TENT4B: variants seen among roughly 807,000 people sequenced by gnomAD.
TENT4B encodes the protein terminal nucleotidyltransferase 4B.
Under a neutral mutation model 75.0 loss-of-function variants are expected in TENT4B, and 10 were observed. The observed-to-expected ratio is 0.13, with a 90% CI of 0.08 to 0.23. The LOEUF (loss-of-function observed/expected upper bound fraction) is 0.23. Ranked by LOEUF, TENT4B falls within the 10% of genes least tolerant of loss-of-function variation. The pLI is 1.00. For synonymous variants in TENT4B, 350 were observed against 357.7 expected (o/e 0.98, Z 0.24); for missense variants, 579 against 893.8 (o/e 0.65, Z 4.49).
intron 2 of TENT4B, among the ~76,000 whole-genome samples, chr16:50,212,236 T>C (rs533288969): frequency 3.7e-4 from 56 of 152,160 alleles, no homozygotes; most frequent in Non-Finnish European, 5.4e-4. Flanking sequence ...TTTGTATTTT[T>C]TTGTAGAGAC....
chr16:50,234,333 C>G lies in TENT4B; in HGVS notation c.*5005C>G. The G allele has an allele frequency of 1.0e-6, 1 of 972,824 alleles. No homozygotes were observed. Among genetic ancestry groups the G allele is most frequent in the Non-Finnish European group, 1.2e-6 (1 of 825,228 alleles). 60.3% of individuals were successfully genotyped at this position (972,824 alleles called of 1,614,324 possible). On this transcript the variant is annotated 3_prime_UTR_variant, in exon 12 of 12. Transcript: ENST00000561678. ...ATTGGGTAGGGGAGGGAAAGGAGGA[C>G]TTGGAAAAGCATTCTCCAAAGCCAG...
At chr16:50,214,171 TAAC>T (rs778960104) in intron 2 of TENT4B, 47 bp from the exon 3 acceptor site, 13 of 1,390,826 alleles carry the variant, frequency 9.3e-6, no homozygotes, top group South Asian at 6.1e-5. Flanking sequence ...CTCAATATGA[TAAC>T]AACTTCTGAT....
intron 1 of TENT4B, among the ~76,000 whole-genome samples, chr16:50,176,805 C>A (rs1347361674): frequency 2.0e-5 from 3 of 151,904 alleles, no homozygotes; most frequent in Non-Finnish European, 4.4e-5. Flanking sequence ...CTGTGCCTGG[C>A]CTATAATTCT....
intron 1 of TENT4B, among the ~76,000 whole-genome samples, chr16:50,169,895 T>C (rs1040985037): frequency 2.0e-5 from 3 of 152,214 alleles, no homozygotes; most frequent in African/African-American, 7.2e-5. Context: ...CCTTTGCTTT[T>C]AGCTGTTGGT....
Position 50,234,828 on chromosome 16 carries a change from T to C in TENT4B, c.*5500T>C. The C allele has an allele frequency of 1.0e-6, 1 of 985,662 alleles. No individual in the cohort carries two copies. Among genetic ancestry groups the C allele is most frequent in the African/African-American group, 1.7e-5 (1 of 57,356 alleles). The allele number at this position is 985,662 out of a possible 1,614,324, so 61.1% of individuals were successfully genotyped here. ...TGTGAAGGACTGTTGAGTTAAACATTTTTAGTGGAATATACATAGATAACG... is the reference window on the plus strand; with the variant it reads ...TGTGAAGGACTGTTGAGTTAAACATCTTTAGTGGAATATACATAGATAACG... On this transcript the variant is annotated 3_prime_UTR_variant, in exon 12 of 12. Transcript: ENST00000561678.
chr16:50,160,424 C>G (rs2037982371), intron 1 of TENT4B, among the ~76,000 whole-genome samples: 1 of 152,070 alleles, frequency 6.6e-6, no homozygotes, highest in Non-Finnish European at 1.5e-5. Context: ...AAAAGGCTTA[C>G]TACATTACAG....
chr16:50,153,875 G>A lies in TENT4B; in HGVS notation c.254G>A (p.Arg85His). The A allele has an allele frequency of 1.3e-6, 2 of 1,506,452 alleles. No individual in the cohort carries two copies. The highest frequency in any genetic ancestry group is 1.2e-5 in the South Asian group (1 of 80,684). 93.3% of individuals were successfully genotyped at this position (1,506,452 alleles called of 1,614,324 possible). The change falls in exon 1 of 12, where the codon CGC becomes CAC. Residue 85 changes from arginine (R) to histidine (H), a missense_variant. Around this residue, in one of 7 missense-constraint regions of TENT4B, gnomAD observed 253 missense variants for 270.1 expected, o/e 0.94. Transcript: ENST00000561678. ...GCCCCGGCCCCGGCCGGCATGTATC[G>A]CTCCGGGGAGCGCCTGCTGGGCAGC... Reference protein sequence around the residue: ...APAPAPAGMYRSGERLLGSHA... With the variant: ...APAPAPAGMYHSGERLLGSHA...
chr16:50,230,943 T>G lies in TENT4B; in HGVS notation c.*1615T>G. 2.0e-6 allele frequency: 2 copies of G among 979,446 alleles called. No individual in the cohort carries two copies. Among genetic ancestry groups the G allele is most frequent in the Non-Finnish European group, 2.4e-6 (2 of 824,102 alleles). The allele number at this position is 979,446 out of a possible 1,614,324, so 60.7% of individuals were successfully genotyped here. A position where few individuals can be genotyped will look rare whatever the true frequency, so the allele number is the denominator to read the frequency against. On this transcript the variant is annotated 3_prime_UTR_variant, in exon 12 of 12. Coordinates refer to ENST00000561678, the MANE Select transcript of TENT4B (RefSeq NM_001365324.3). ...TATATATATACATATAAAGTACTATTGGCTTTTAGGAGTTTCTTTTATATA... is the reference window on the plus strand; with the variant it reads ...TATATATATACATATAAAGTACTATGGGCTTTTAGGAGTTTCTTTTATATA...
chr16:50,182,891 C>CTTTTTTTCTTT (rs2038444075), intron 1 of TENT4B, among the ~76,000 whole-genome samples: 1 of 36,458 alleles, frequency 2.7e-5, no homozygotes, highest in Admixed American at 5.7e-4. Flanking sequence ...TTTATTTTAC[C>CTTTTTTTCTTT]TTTTTTTTTT....
intron 5 of TENT4B, among the ~76,000 whole-genome samples, chr16:50,220,147 C>T (rs764875092): frequency 5.9e-5 from 9 of 152,008 alleles, no homozygotes; most frequent in South Asian, 2.1e-4. Context: ...CACCACCACG[C>T]TCAGCTAATT....
intron 2 of TENT4B, among the ~76,000 whole-genome samples, chr16:50,212,184 G>T (rs2031315654): frequency 6.6e-6 from 1 of 152,110 alleles, no homozygotes; most frequent in East Asian, 1.9e-4. Flanking sequence ...AGCATCCCGA[G>T]TAGCTGGGAC....
At chr16:50,209,427 T>C (rs1596727527) in intron 1 of TENT4B, among the ~76,000 whole-genome samples, 2 of 152,300 alleles carry the variant, frequency 1.3e-5, no homozygotes, top group East Asian at 1.9e-4. Flanking sequence ...TAATCAAACC[T>C]GGGAAACTCA....
At chr16:50,205,716 G>A (rs973387628) in intron 1 of TENT4B, among the ~76,000 whole-genome samples, 4 of 150,878 alleles carry the variant, frequency 2.7e-5, no homozygotes, top group Admixed American at 6.6e-5. Flanking sequence ...TCAGCCTCCC[G>A]AGTAGCTGGA....
intron 1 of TENT4B, among the ~76,000 whole-genome samples, chr16:50,197,403 C>G (rs1400134961): frequency 2.0e-5 from 3 of 152,182 alleles, no homozygotes; most frequent in Admixed American, 2.0e-4. Context: ...ATTTTCCTGC[C>G]TCAGCCTCCT....
Position 50,154,388 on chromosome 16 carries a change from G to A in TENT4B, c.638+129G>A, listed in dbSNP as rs1597211252. The stretch of plus-strand genomic sequence containing the variant: ...CGGCCTGCCTTCGCTGCTGTTGCAC[G>A]GGGGTGCTGCTGGCCATCCCCAACC... On this transcript the variant is annotated intron_variant, in intron 1 of 11. Coordinates refer to ENST00000561678, the MANE Select transcript of TENT4B (RefSeq NM_001365324.3). 5 of 1,311,368 alleles carry A rather than the reference G, an allele frequency of 3.8e-6. No individual in the cohort carries two copies. In the East Asian group the frequency reaches 1.5e-4, roughly 40 times the overall value. The allele number at this position is 1,311,368 out of a possible 1,614,324, so 81.2% of individuals were successfully genotyped here.
At chr16:50,183,039 TTTTA>T (rs1356926162) in intron 1 of TENT4B, among the ~76,000 whole-genome samples, 7 of 149,566 alleles carry the variant, frequency 4.7e-5, no homozygotes, top group Non-Finnish European at 7.4e-5. Flanking sequence ...TTTTTTTTAT[TTTTA>T]TTTATTTATT....
intron 5 of TENT4B, among the ~76,000 whole-genome samples, chr16:50,221,499 T>TAGTC (rs746957698): frequency 2.6e-5 from 4 of 152,178 alleles, no homozygotes; most frequent in Non-Finnish European, 4.4e-5. Context: ...GGTCTGTGTG[T>TAGTC]AGTCATCAGC....
chr16:50,190,665 A>G (rs909384823), intron 1 of TENT4B, among the ~76,000 whole-genome samples: 2 of 151,998 alleles, frequency 1.3e-5, no homozygotes, highest in African/African-American at 4.8e-5. Context: ...GTTAATGACA[A>G]TTCTTTTGGG....
At chr16:50,184,368 T>A (rs891991009) in intron 1 of TENT4B, among the ~76,000 whole-genome samples, 1 of 152,094 alleles carries the variant, frequency 6.6e-6, no homozygotes, top group Non-Finnish European at 1.5e-5. Flanking sequence ...TTCCATTGAC[T>A]ATTAAGAGTA....
Sources: gnomAD v4.1 joint callset for allele counts (sites outside exome capture counted in the v4.1 genomes callset) on GRCh38, gnomAD v4.1.1 for gene constraint, gnomAD v4.1.1 regional missense constraint, MANE v1.5 for transcripts, NCBI Gene and HGNC (gene_info 2026-07-23, HGNC 2026-07-21) for gene names.